SDK1: variants seen among roughly 807,000 people sequenced by gnomAD.
The protein encoded by SDK1 is sidekick cell adhesion molecule 1.
SDK1 carries 157 observed loss-of-function variants against 245.5 expected under a neutral mutation model. That is an observed-to-expected ratio of 0.64 (90% confidence interval 0.56 to 0.73). The LOEUF (loss-of-function observed/expected upper bound fraction) is 0.73, where lower values mean the gene tolerates loss of function less well. SDK1 is among the 30% of genes least tolerant of loss of function. The pLI, the probability that SDK1 is intolerant of heterozygous loss-of-function variation, is 0.00. For missense variants in SDK1, 3,583 were observed against 3,002.3 expected, an observed-to-expected ratio of 1.19 and a Z score of -4.52; for synonymous variants, 1,647 against 1,278.5, an observed-to-expected ratio of 1.29 and a Z score of -6.15.
intron 25 of SDK1, among the ~76,000 whole-genome samples, chr7:4,126,445 G>A (rs1208445713): frequency 6.6e-6 from 1 of 152,258 alleles, no homozygotes; most frequent in Non-Finnish European, 1.5e-5. Flanking sequence ...ATGTGGGCCG[G>A]GAGTGGTGGC....
rs180718853 is a variant in SDK1 at position 4,142,176 on chromosome 7, A to G, written c.4229-3546A>G. On this transcript the variant is annotated intron_variant, in intron 28 of 44. Coordinates refer to ENST00000404826, the MANE Select transcript of SDK1 (RefSeq NM_152744.4). ...CAGGCTGAACCCTACGCATACATACATGAGTCTGTTTTTAATGCAAACTTG... is the reference window on the plus strand; with the variant it reads ...CAGGCTGAACCCTACGCATACATACGTGAGTCTGTTTTTAATGCAAACTTG... 6.5e-3 allele frequency among the ~76,000 whole-genome samples: 989 copies of G among 152,238 alleles called. 14 individuals carry two copies. The highest frequency in any genetic ancestry group is 0.022 in the African/African-American group (897 of 41,542).
chr7:4,240,425 G>A (rs574802434), intron 42 of SDK1, among the ~76,000 whole-genome samples: 4 of 152,162 alleles, frequency 2.6e-5, no homozygotes, highest in East Asian at 3.9e-4. Flanking sequence ...TCCCATCCTC[G>A]TCTGAATTCC....
At chr7:3,892,354 G>A (rs982485048) in intron 5 of SDK1, among the ~76,000 whole-genome samples, 1 of 152,228 alleles carries the variant, frequency 6.6e-6, no homozygotes, top group Non-Finnish European at 1.5e-5. Flanking sequence ...CCAGGCTGAG[G>A]CTGAATGAGC....
At chr7:4,066,862 C>T (rs994903010) in intron 19 of SDK1, among the ~76,000 whole-genome samples, 1 of 152,140 alleles carries the variant, frequency 6.6e-6, no homozygotes, top group Non-Finnish European at 1.5e-5. Flanking sequence ...CGCCTGTGGC[C>T]GCCCTTCCTC....
intron 5 of SDK1, among the ~76,000 whole-genome samples, chr7:3,841,492 G>T (rs1780156220): frequency 6.6e-6 from 1 of 152,172 alleles, no homozygotes; most frequent in East Asian, 1.9e-4. Context: ...CTGGGCCCCA[G>T]TAGACACTGA....
intron 16 of SDK1, 28 bp downstream of exon 16, chr7:4,012,263 A>T: frequency 6.9e-7 from 1 of 1,458,826 alleles, no homozygotes. Context: ...GGCCATCTTT[A>T]GGCCGCCATT....
chr7:3,812,538 T>C (rs1290612769), intron 4 of SDK1, among the ~76,000 whole-genome samples: 1 of 152,222 alleles, frequency 6.6e-6, no homozygotes, highest in African/African-American at 2.4e-5. Flanking sequence ...TTTTTCCATA[T>C]ACTTGCCATT....
intron 2 of SDK1, among the ~76,000 whole-genome samples, chr7:3,620,383 A>G (rs1034953013): frequency 5.3e-5 from 8 of 151,558 alleles, no homozygotes; most frequent in African/African-American, 1.9e-4. Context: ...GCTCACTGCA[A>G]CCTCCACCTT....
rs142833435 is a variant in SDK1 at position 3,541,859 on chromosome 7, C to G, written c.299-77221C>G. Among the ~76,000 whole-genome samples the G allele has an allele frequency of 6.1e-3, 933 of 152,186 alleles. 6 individuals carry two copies. Among genetic ancestry groups the G allele is most frequent in the Non-Finnish European group, 0.011 (738 of 68,004 alleles). On this transcript the variant is annotated intron_variant, in intron 1 of 44. Transcript: ENST00000404826. ...TAAGAGTATTAAGGAGCTAAATGCC[C>G]TCTTATGTTTTGTTATGTAATTTAA...
rs1476200556 is a variant in SDK1, at chr7:4,215,958, G to A, written c.5540-4151G>A. 2.0e-5 allele frequency among the ~76,000 whole-genome samples: 3 copies of A among 152,296 alleles called. No individual in the cohort carries two copies. In the East Asian group the frequency reaches 5.8e-4, roughly 29 times the overall value. ...CACATGTCCTGCCCAGCCTCACACA[G>A]GGAGCAAGCAGTGGGCTTCAGACCA... On this transcript the variant is annotated intron_variant, in intron 38 of 44. Transcript: ENST00000404826.
intron 4 of SDK1, among the ~76,000 whole-genome samples, chr7:3,755,121 A>G (rs1248719849): frequency 6.6e-6 from 1 of 152,194 alleles, no homozygotes; most frequent in African/African-American, 2.4e-5. Flanking sequence ...AAAGGCAGCC[A>G]GAGGGGTGGG....
intron 5 of SDK1, among the ~76,000 whole-genome samples, chr7:3,905,642 T>C (rs1390019845): frequency 6.6e-6 from 1 of 152,168 alleles, no homozygotes; most frequent in Non-Finnish European, 1.5e-5. Context: ...GTTTTTTTTT[T>C]AGAGGAACGT....
At chr7:3,907,148 A>G (rs1400449396) in intron 5 of SDK1, among the ~76,000 whole-genome samples, 2 of 152,146 alleles carry the variant, frequency 1.3e-5, no homozygotes, top group African/African-American at 2.4e-5. Flanking sequence ...CTCTATCTGT[A>G]AAACTTAAAA....
chr7:3,428,550 C>G (rs1224299504), intron 1 of SDK1, among the ~76,000 whole-genome samples: 2 of 152,152 alleles, frequency 1.3e-5, no homozygotes, highest in Non-Finnish European at 2.9e-5. Context: ...AAATTAAATA[C>G]TCATGGAGTT....
At chr7:3,348,264 C>T (rs1327841167) in intron 1 of SDK1, among the ~76,000 whole-genome samples, 1 of 152,178 alleles carries the variant, frequency 6.6e-6, no homozygotes, top group African/African-American at 2.4e-5. Context: ...CTCTCTGACT[C>T]AGCTTTTTCC....
At chr7:3,362,956 T>C (rs1260828407) in intron 1 of SDK1, among the ~76,000 whole-genome samples, 1 of 152,204 alleles carries the variant, frequency 6.6e-6, no homozygotes, top group African/African-American at 2.4e-5. Flanking sequence ...CAAGCGGTTA[T>C]AAGAAATAAT....
At chr7:3,810,296 C>G (rs1298843888) in intron 4 of SDK1, among the ~76,000 whole-genome samples, 2 of 152,144 alleles carry the variant, frequency 1.3e-5, no homozygotes, top group Admixed American at 1.3e-4. Context: ...GATCTAAAGA[C>G]TGAAAACATG....
At chr7:3,824,828 A>G (rs1779732244) in intron 5 of SDK1, among the ~76,000 whole-genome samples, 1 of 152,180 alleles carries the variant, frequency 6.6e-6, no homozygotes, top group Admixed American at 6.5e-5. Context: ...CAGTCCCATA[A>G]TGGTACCGCC....
At chr7:3,478,658 C>T (rs753091826) in intron 1 of SDK1, among the ~76,000 whole-genome samples, 5 of 151,982 alleles carry the variant, frequency 3.3e-5, no homozygotes, top group African/African-American at 4.8e-5. Context: ...TCCAAAGAAT[C>T]AAAGGTTTTA....
Sources: gnomAD v4.1 joint callset for allele counts (sites outside exome capture counted in the v4.1 genomes callset) on GRCh38, gnomAD v4.1.1 for gene constraint, MANE v1.5 for transcripts, NCBI Gene and HGNC (gene_info 2026-07-23, HGNC 2026-07-21) for gene names.